Variants in FCMR observed in about 807,000 individuals in gnomAD.
The protein encoded by FCMR is immunoglobulin mu Fc receptor.
FCMR carries 34 observed loss-of-function variants against 41.6 expected under a neutral mutation model. The ratio of observed to expected loss-of-function variants is 0.82; its 90% confidence interval spans 0.62 to 1.09. The LOEUF is 1.09. FCMR is among the 50% of genes least tolerant of loss of function. The pLI is 0.00. For synonymous variants in FCMR, 209 were observed against 211.8 expected (o/e 0.99, Z 0.12); for missense variants, 496 against 512.5 (o/e 0.97, Z 0.31).
chr1:206,905,608 G>A (rs181563847), intron 7 of FCMR, among the ~76,000 whole-genome samples: 1 of 152,246 alleles, frequency 6.6e-6, no homozygotes, highest in East Asian at 1.9e-4. Flanking sequence ...TGGTGAAGGG[G>A]ATAAGATGGC....
chr1:206,907,113 GTGGGGGC>G (rs1558646006), intron 7 of FCMR, among the ~76,000 whole-genome samples: 11 of 73,562 alleles, frequency 1.5e-4, no homozygotes, highest in African/African-American at 2.1e-4. Flanking sequence ...TGGGGGGGGG[GTGGGGGC>G]GGGGTGGGGA....
chr1:206,905,645 C>T (rs1295798031), intron 7 of FCMR, among the ~76,000 whole-genome samples: 1 of 152,142 alleles, frequency 6.6e-6, no homozygotes, highest in African/African-American at 2.4e-5. Flanking sequence ...TGGTGCTCCT[C>T]TTCCCCAGAC....
intron 5 of FCMR, 62 bp downstream of exon 5, chr1:206,910,148 G>A: frequency 6.8e-7 from 1 of 1,468,728 alleles, no homozygotes; most frequent in Non-Finnish European, 9.0e-7. Flanking sequence ...TCAAAAGGGG[G>A]TTCTGAACGC....
upstream of FCMR, chr1:206,922,116 CA>C: frequency 1.9e-6 from 1 of 528,896 alleles, no homozygotes. Flanking sequence ...TCACCCTGTT[CA>C]AAAGGCATCT....
At chr1:206,912,761 C>T (rs370005970) in intron 3 of FCMR, among the ~76,000 whole-genome samples, 168 bp downstream of exon 3, 37 of 152,260 alleles carry the variant, frequency 2.4e-4, no homozygotes, top group African/African-American at 7.5e-4. Flanking sequence ...GGATATGGAC[C>T]GCAGATCTCA....
At chr1:206,906,186 G>A (rs60867626) in intron 7 of FCMR, 48 of 514,086 alleles carry the variant, frequency 9.3e-5, no homozygotes, top group African/African-American at 9.2e-4. Flanking sequence ...TCAACCCGAA[G>A]CAAATTAACC....
chr1:206,909,602 G>A lies in FCMR; in HGVS notation c.986-82C>T. ...TGCTACTACTCCCAGCTCCACCCCC[G>A]CCCCACTCCCAGCTCCACCCTGTGG... On this transcript the variant is annotated intron_variant, in intron 6 of 7. Coordinates refer to ENST00000367091, the MANE Select transcript of FCMR (RefSeq NM_005449.5). The surrounding 1 kb of genome is among the most constrained non-coding windows in gnomAD (Gnocchi z 5.0). 1 of 1,175,410 alleles carries A rather than the reference G, an allele frequency of 8.5e-7. No homozygotes were observed. The highest frequency in any genetic ancestry group is 2.2e-5 in the South Asian group (1 of 44,450). 72.8% of individuals were successfully genotyped at this position (1,175,410 alleles called of 1,614,324 possible). A position where few individuals can be genotyped will look rare whatever the true frequency, so the allele number is the denominator to read the frequency against.
Position 206,910,000 on chromosome 1 carries a change from T to G in FCMR, c.842-132A>C, listed in dbSNP as rs1678855804. On this transcript the variant is annotated intron_variant, in intron 5 of 7. Transcript: ENST00000367091. The surrounding 1 kb of genome is among the most constrained non-coding windows in gnomAD (Gnocchi z 5.0). ...CTGGAGATGCTCCAAGCGTGGGGAA[T>G]GTACGAGGCACGGCCTTGCCCTGCC... is the stretch of plus-strand genomic sequence containing the variant. 3 of 1,181,882 alleles carry G rather than the reference T, an allele frequency of 2.5e-6. No homozygotes were observed. Among genetic ancestry groups the G allele is most frequent in the Non-Finnish European group, 2.2e-6 (2 of 893,910 alleles). The allele number at this position is 1,181,882 out of a possible 1,614,324, so 73.2% of individuals were successfully genotyped here.
Position 206,906,322 on chromosome 1 carries a change from A to G in FCMR, c.1045-1175T>C, listed in dbSNP as rs151092736. ...ATACCTGAGCTTCCTTTAGAGGCCA[A>G]AGAAGAGACTGAGGACGGGAAGAAG... On this transcript the variant is annotated intron_variant, in intron 7 of 7. Transcript: ENST00000367091. The G allele has an allele frequency of 3.6e-3, 805 of 222,574 alleles. 10 individuals are homozygous for G. Among genetic ancestry groups the G allele is most frequent in the African/African-American group, 0.018 (768 of 43,108 alleles). The allele number at this position is 222,574 out of a possible 1,614,324, so 13.8% of individuals were successfully genotyped here.
At chr1:206,912,857 G>T in intron 3 of FCMR, 72 bp downstream of exon 3, 1 of 1,040,864 alleles carries the variant, frequency 9.6e-7, no homozygotes, top group South Asian at 1.3e-5. Flanking sequence ...ACTGAACATA[G>T]ACCCCCTCCT....
intron 1 of FCMR, 21 bp downstream of exon 1, chr1:206,921,797 G>A: frequency 1.2e-6 from 2 of 1,612,060 alleles, no homozygotes; most frequent in Non-Finnish European, 1.7e-6. Flanking sequence ...GAGGTCTGAA[G>A]TGTTTCCCCA....
chr1:206,907,818 C>A, intron 7 of FCMR: 1 of 1,399,948 alleles, frequency 7.1e-7, no homozygotes, highest in Non-Finnish European at 1.0e-6. Flanking sequence ...ACCAACCCTT[C>A]CCGAGGTCCC....
Position 206,905,559 on chromosome 1 carries a change from T to C in FCMR, c.1045-412A>G, listed in dbSNP as rs547049660. Among the ~76,000 whole-genome samples, 5 of 152,310 alleles carry C rather than the reference T, an allele frequency of 3.3e-5. No individual in the cohort carries two copies. The East Asian group carries it at 7.7e-4, about 23-fold the overall frequency. ...CTGTAAGGGCTCAGAGATGCTGTGA[T>C]GTGGCGTCGTGACAGTGCATTCCAG... On this transcript the variant is annotated intron_variant, in intron 7 of 7. Transcript: ENST00000367091.
intron 1 of FCMR, chr1:206,917,678 G>A (rs949241823): frequency 5.3e-5 from 20 of 378,804 alleles, no homozygotes; most frequent in Non-Finnish European, 9.2e-5. Context: ...CCAGGCTGGG[G>A]TGCAGTGGTG....
intron 4 of FCMR, among the ~76,000 whole-genome samples, chr1:206,911,375 T>G (rs1678934243): frequency 6.6e-6 from 1 of 152,150 alleles, no homozygotes; most frequent in Admixed American, 6.5e-5. Flanking sequence ...AATTTCCTAG[T>G]AGCCACATTA....
At position 206,910,229 on chromosome 1, in the gene FCMR, C is replaced by G; in HGVS notation, c.822G>C (p.Arg274Ser). 1.2e-6 allele frequency: 2 copies of G among 1,603,200 alleles called. No individual in the cohort carries two copies. The highest frequency in any genetic ancestry group is 1.7e-6 in the Non-Finnish European group (2 of 1,175,762). Residue 274 changes from arginine to serine, a missense_variant, in exon 5 of 8, where the codon AGG becomes AGC. By Grantham distance (110) the Arg-to-Ser change is moderately radical. Coordinates refer to ENST00000367091, the MANE Select transcript of FCMR (RefSeq NM_005449.5). ...GCTCACCTTTCCTCCTTTCAACGGC[C>G]CTTTTCACCACCAGCCCCAGAAGTG... The part of the protein sequence containing the change: ...LLALLGLVVK[R>S]AVERRKALSR...
chr1:206,921,928 A>G lies in FCMR; in HGVS notation c.-74T>C. ...ATGGAGACACGCTGCTTACTCAGGAACCCTTCACAATCTGGAACTGGAAAG... is the reference window on the plus strand; with the variant it reads ...ATGGAGACACGCTGCTTACTCAGGAGCCCTTCACAATCTGGAACTGGAAAG... On this transcript the variant is annotated 5_prime_UTR_variant, in exon 1 of 8. Transcript: ENST00000367091. 2 of 1,351,906 alleles carry G rather than the reference A, an allele frequency of 1.5e-6. No individual in the cohort carries two copies. Among genetic ancestry groups the G allele is most frequent in the Middle Eastern group, 1.8e-4 (1 of 5,446 alleles). The allele number at this position is 1,351,906 out of a possible 1,614,324, so 83.7% of individuals were successfully genotyped here.
At chr1:206,905,536 G>A (rs962786381) in intron 7 of FCMR, among the ~76,000 whole-genome samples, 1 of 152,168 alleles carries the variant, frequency 6.6e-6, no homozygotes, top group African/African-American at 2.4e-5. Flanking sequence ...CAGCACCTCT[G>A]TAAGGGCTCA....
intron 1 of FCMR, among the ~76,000 whole-genome samples, chr1:206,918,730 TG>T (rs1679303217): frequency 6.6e-6 from 1 of 151,866 alleles, no homozygotes; most frequent in African/African-American, 2.4e-5. Context: ...TATGTATGTA[TG>T]TATTATTATT....
Sources: allele counts gnomAD v4.1 joint callset (sites outside exome capture counted in the v4.1 genomes callset), GRCh38; gene constraint gnomAD v4.1.1; non-coding constraint Gnocchi (gnomAD v3.1); transcripts MANE v1.5; gene names NCBI Gene and HGNC (gene_info 2026-07-23, HGNC 2026-07-21).